Variants in JARID2 observed in about 807,000 individuals in gnomAD.
JARID2 encodes the protein jumonji and AT-rich interaction domain containing 2, also known as protein Jumonji.
In JARID2, 21 loss-of-function variants were observed where a neutral mutation model predicts 125.6. That is an observed-to-expected ratio of 0.17 (90% CI 0.12 to 0.24). JARID2 has a LOEUF of 0.24. Ranked by LOEUF, JARID2 falls within the 10% of genes least tolerant of loss-of-function variation. JARID2 has a pLI of 1.00. For missense variants in JARID2, 1,303 were observed against 1,639.6 expected (o/e 0.79, Z 3.55); for synonymous variants, 736 against 661.6 (o/e 1.11, Z -1.73).
intron 4 of JARID2, among the ~76,000 whole-genome samples, chr6:15,468,210 T>A (rs1768839333): frequency 6.6e-6 from 1 of 150,734 alleles, no homozygotes; most frequent in East Asian, 2.0e-4. Flanking sequence ...TAGAGTAATC[T>A]CTCTTCCTCA....
intron 1 of JARID2, among the ~76,000 whole-genome samples, chr6:15,249,419 T>G (rs1208239390): frequency 6.6e-6 from 1 of 152,210 alleles, no homozygotes; most frequent in Non-Finnish European, 1.5e-5. Context: ...TTGTCATTGA[T>G]AAATGTACTG....
intron 5 of JARID2, among the ~76,000 whole-genome samples, chr6:15,470,658 CAA>C (rs1256999354): frequency 6.6e-6 from 1 of 152,066 alleles, no homozygotes. Context: ...GGGGTAAATA[CAA>C]AATGTAACTA....
At chr6:15,507,032 G>A in intron 9 of JARID2, 104 bp from the exon 10 acceptor site, 1 of 744,304 alleles carries the variant, frequency 1.3e-6, no homozygotes, top group South Asian at 1.5e-5. Flanking sequence ...TGTTCTGAGG[G>A]GTGTGTGCAC....
chr6:15,480,951 A>G (rs1769585101), intron 5 of JARID2, among the ~76,000 whole-genome samples: 1 of 152,234 alleles, frequency 6.6e-6, no homozygotes, highest in Non-Finnish European at 1.5e-5. Context: ...GCTTTTGGGG[A>G]ACATTGTTTA....
intron 3 of JARID2, among the ~76,000 whole-genome samples, chr6:15,451,797 A>G (rs1767932431): frequency 6.6e-6 from 1 of 152,202 alleles, no homozygotes; most frequent in African/African-American, 2.4e-5. Context: ...ATATCCATGT[A>G]CAAAACATAG....
intron 1 of JARID2, among the ~76,000 whole-genome samples, chr6:15,350,714 C>T (rs1192285144): frequency 1.4e-5 from 2 of 146,878 alleles, no homozygotes; most frequent in Admixed American, 1.4e-4. Flanking sequence ...ATTTCAATGC[C>T]AAATCATAGT....
At chr6:15,397,465 G>A (rs73363174) in intron 2 of JARID2, among the ~76,000 whole-genome samples, 1 of 152,110 alleles carries the variant, frequency 6.6e-6, no homozygotes, top group African/African-American at 2.4e-5. Flanking sequence ...TAATAGCGTG[G>A]TACTGAAATA....
At chr6:15,315,837 A>G (rs952834699) in intron 1 of JARID2, among the ~76,000 whole-genome samples, 2 of 152,200 alleles carry the variant, frequency 1.3e-5, no homozygotes, top group Non-Finnish European at 2.9e-5. Flanking sequence ...TGTGCCGTCC[A>G]TACGTTGAGT....
chr6:15,368,035 G>A (rs1027369676), intron 1 of JARID2, among the ~76,000 whole-genome samples: 2 of 152,062 alleles, frequency 1.3e-5, no homozygotes, highest in Admixed American at 6.5e-5. Flanking sequence ...TTTTCTTGGT[G>A]GGTGATCCAA....
chr6:15,463,850 G>A (rs1242452655), intron 4 of JARID2, among the ~76,000 whole-genome samples: 1 of 152,284 alleles, frequency 6.6e-6, no homozygotes, highest in South Asian at 2.1e-4. Context: ...GTTTTCTCCA[G>A]TGATAAACAC....
intron 1 of JARID2, among the ~76,000 whole-genome samples, chr6:15,283,103 C>A (rs777169412): frequency 6.6e-6 from 1 of 151,574 alleles, no homozygotes; most frequent in African/African-American, 2.4e-5. Flanking sequence ...CTCAGCCTCC[C>A]GAGTAGCTGG....
chr6:15,330,345 C>T (rs771054309), intron 1 of JARID2, among the ~76,000 whole-genome samples: 16 of 152,160 alleles, frequency 1.1e-4, no homozygotes, highest in South Asian at 4.1e-4. Context: ...TTAATACCAC[C>T]GAATCCACAT....
intron 2 of JARID2, among the ~76,000 whole-genome samples, chr6:15,387,468 C>T (rs1208790591): frequency 6.6e-6 from 1 of 152,144 alleles, no homozygotes; most frequent in Non-Finnish European, 1.5e-5. Context: ...CTGAGTCTTC[C>T]TCCTCATGCG....
intron 1 of JARID2, among the ~76,000 whole-genome samples, chr6:15,299,495 C>T (rs1024481967): frequency 6.6e-6 from 1 of 152,126 alleles, no homozygotes; most frequent in African/African-American, 2.4e-5. Context: ...GAAATAGATG[C>T]CATCCCTTTT....
intron 1 of JARID2, among the ~76,000 whole-genome samples, chr6:15,348,431 T>C (rs1179959223): frequency 2.0e-5 from 3 of 152,216 alleles, no homozygotes; most frequent in Admixed American, 1.3e-4. Flanking sequence ...GAATATTCTT[T>C]GCAGTAGATA....
chr6:15,496,388 A>C lies in JARID2; in HGVS notation c.1163A>C (p.Lys388Thr), dbSNP rs1468150832. The change falls in exon 7 of 18, where the codon AAA becomes ACA. Residue 388 changes from lysine to threonine, a missense_variant. Physicochemically the swap from Lys to Thr is moderately conservative, Grantham distance 78. Around this residue, in one of 11 missense-constraint regions of JARID2, gnomAD observed 651 missense variants for 581.6 expected, o/e 1.12. Transcript: ENST00000341776. ...GAAAGTAGCAATGCAAAAACCCGCA[A>C]ACAGGTGCTATCCCTCGGGGGGGCG... The part of the protein sequence containing the change: ...KTESSNAKTR[K>T]QVLSLGGASK... The C allele has an allele frequency of 5.6e-6, 9 of 1,613,938 alleles. No homozygotes were observed.
chr6:15,266,816 C>T (rs1317496766), intron 1 of JARID2, among the ~76,000 whole-genome samples: 1 of 152,174 alleles, frequency 6.6e-6, no homozygotes, highest in South Asian at 2.1e-4. Flanking sequence ...CAGTGGCCTG[C>T]CTCCTAGAAA....
At chr6:15,506,381 C>T (rs1396544392) in intron 9 of JARID2, among the ~76,000 whole-genome samples, 3 of 152,184 alleles carry the variant, frequency 2.0e-5, no homozygotes, top group Non-Finnish European at 4.4e-5. Flanking sequence ...CCAGGTCGGC[C>T]CCCTCTTTGT....
intron 1 of JARID2, among the ~76,000 whole-genome samples, chr6:15,326,345 G>A (rs1359508168): frequency 6.6e-6 from 1 of 152,108 alleles, no homozygotes; most frequent in East Asian, 1.9e-4. Flanking sequence ...AGCTAGGACC[G>A]CATGTGTGCA....
Sources: gnomAD v4.1 joint callset for allele counts (sites outside exome capture counted in the v4.1 genomes callset) on GRCh38, gnomAD v4.1.1 for gene constraint, gnomAD v4.1.1 regional missense constraint, MANE v1.5 for transcripts, NCBI Gene and HGNC (gene_info 2026-07-23, HGNC 2026-07-21) for gene names.